The following RIMS2 variants were observed in gnomAD, a reference collection of about 807,000 sequenced individuals.
RIMS2 encodes the protein regulating synaptic membrane exocytosis 2, also known as regulating synaptic membrane exocytosis protein 2.
Under a neutral mutation model 174.4 loss-of-function variants are expected in RIMS2, and 59 were observed. The observed-to-expected ratio is 0.34, with a 90% CI of 0.27 to 0.42. The LOEUF (loss-of-function observed/expected upper bound fraction) is 0.42, where lower values mean the gene tolerates loss of function less well. Ranked by LOEUF, RIMS2 falls within the 10% of genes least tolerant of loss-of-function variation. RIMS2 has a pLI of 1.00. For missense variants in RIMS2, 1,620 were observed against 1,666.3 expected (o/e 0.97, Z 0.48); for synonymous variants, 606 against 572.5 (o/e 1.06, Z -0.84).
At chr8:103,670,896 C>T (rs1417721712) in intron 1 of RIMS2, among the ~76,000 whole-genome samples, 1 of 152,214 alleles carries the variant, frequency 6.6e-6, no homozygotes, top group Non-Finnish European at 1.5e-5. Flanking sequence ...GTTGCTTCCA[C>T]ATTTTCAGGT....
At chr8:103,851,261 T>C (rs2098996275) in intron 3 of RIMS2, among the ~76,000 whole-genome samples, 1 of 151,862 alleles carries the variant, frequency 6.6e-6, no homozygotes, top group African/African-American at 2.4e-5. Flanking sequence ...TTTAAAATGG[T>C]TGTGAATATT....
rs568797552 is a variant in RIMS2 at position 103,838,510 on chromosome 8, C to T, written c.699-46788C>T. ...CATAATTTATTTTCCATATTGGTTT[C>T]AACAAGGCTAAACTATTAGGTAGCT... On this transcript the variant is annotated intron_variant, in intron 3 of 23. Transcript: ENST00000504942. Among the ~76,000 whole-genome samples the T allele has an allele frequency of 7.2e-5, 11 of 152,248 alleles. No individual in the cohort carries two copies. The East Asian group carries it at 1.5e-3, about 21-fold the overall frequency.
chr8:104,161,665 C>T (rs1453699269), intron 19 of RIMS2, among the ~76,000 whole-genome samples: 2 of 152,200 alleles, frequency 1.3e-5, no homozygotes, highest in African/African-American at 4.8e-5. Context: ...ATTAGCTTAG[C>T]AACTTAAAAC....
chr8:103,687,249 C>A (rs1564289349), intron 1 of RIMS2, among the ~76,000 whole-genome samples: 2 of 151,590 alleles, frequency 1.3e-5, no homozygotes, highest in Non-Finnish European at 2.9e-5. Context: ...CCTTTGTAGT[C>A]TTTTAAATTA....
chr8:103,829,757 T>TTTC (rs3069998), intron 3 of RIMS2, among the ~76,000 whole-genome samples: 3,402 of 152,258 alleles, frequency 0.022, 61 homozygotes, highest in Middle Eastern at 0.065. Flanking sequence ...TATCAGGTAC[T>TTTC]ATGCTCATTA....
chr8:103,658,556 C>T (rs1564183740), intron 1 of RIMS2, among the ~76,000 whole-genome samples: 1 of 152,154 alleles, frequency 6.6e-6, no homozygotes, highest in Non-Finnish European at 1.5e-5. Context: ...CAAAGATCAT[C>T]TGCTTCTGGA....
intron 19 of RIMS2, among the ~76,000 whole-genome samples, chr8:104,101,453 A>G (rs1018439718): frequency 2.6e-5 from 4 of 152,102 alleles, no homozygotes; most frequent in African/African-American, 9.7e-5. Context: ...TAATTCTACT[A>G]TATTAGACAT....
intron 3 of RIMS2, among the ~76,000 whole-genome samples, chr8:103,795,261 G>T (rs955843724): frequency 2.0e-5 from 3 of 152,076 alleles, no homozygotes. Context: ...GCCATAAAAA[G>T]GATGAGTTCA....
intron 17 of RIMS2, among the ~76,000 whole-genome samples, chr8:103,994,075 A>C (rs1407670321): frequency 6.6e-6 from 1 of 151,400 alleles, no homozygotes; most frequent in African/African-American, 2.4e-5. Context: ...AAAAAGAATA[A>C]AAAAAATGTT....
chr8:103,507,612 C>T (rs1018053111), intron 1 of RIMS2, among the ~76,000 whole-genome samples: 5 of 151,874 alleles, frequency 3.3e-5, no homozygotes, highest in Admixed American at 6.6e-5. Flanking sequence ...TTTAAACATG[C>T]CTAATTTTGC....
chr8:104,102,430 T>G (rs776660874), intron 19 of RIMS2, among the ~76,000 whole-genome samples: 7 of 152,236 alleles, frequency 4.6e-5, no homozygotes, highest in Non-Finnish European at 8.8e-5. Flanking sequence ...GAAATATGTT[T>G]ATTTCTCCAT....
rs747685693 is a variant in RIMS2 at position 103,915,598 on chromosome 8, G to T, written c.1912+4G>T. 1 of 1,471,368 alleles carries T rather than the reference G, an allele frequency of 6.8e-7. No homozygotes were observed. The highest frequency in any genetic ancestry group is 9.4e-7 in the Non-Finnish European group (1 of 1,059,398). 91.1% of individuals were successfully genotyped at this position (1,471,368 alleles called of 1,614,324 possible). ...ACTGTAGGACATCTTAGACCAGGTA[G>T]GGTTTTACCTTTGATTATTTACATT... On this transcript the variant is annotated splice_donor_region_variant and intron_variant, in intron 7 of 23. Coordinates refer to ENST00000504942, the Ensembl canonical transcript of RIMS2.
intron 19 of RIMS2, among the ~76,000 whole-genome samples, chr8:104,120,536 G>T (rs1166657161): frequency 6.6e-6 from 1 of 152,126 alleles, no homozygotes; most frequent in Non-Finnish European, 1.5e-5. Context: ...CCTCAGAAGT[G>T]TGTATTGCCT....
intron 19 of RIMS2, among the ~76,000 whole-genome samples, chr8:104,132,656 C>T (rs2098482528): frequency 6.6e-6 from 1 of 152,126 alleles, no homozygotes; most frequent in African/African-American, 2.4e-5. Context: ...CAGATAAGCA[C>T]AATTACCACA....
intron 19 of RIMS2, among the ~76,000 whole-genome samples, chr8:104,234,471 T>A (rs1286102177): frequency 6.6e-6 from 1 of 150,620 alleles, no homozygotes; most frequent in Non-Finnish European, 1.5e-5. Context: ...TCTATCTAAG[T>A]AGTTTAACTG....
chr8:104,251,263 A>T, intron 23 of RIMS2, 100 bp downstream of exon 29: 2 of 1,060,682 alleles, frequency 1.9e-6, no homozygotes, highest in South Asian at 1.7e-5. Flanking sequence ...TATGTTCCTC[A>T]CAAAGGAAAT....
At chr8:104,229,276 A>G (rs1199058630) in intron 19 of RIMS2, among the ~76,000 whole-genome samples, 1 of 152,184 alleles carries the variant, frequency 6.6e-6, no homozygotes, top group Non-Finnish European at 1.5e-5. Flanking sequence ...GCCCCTATTT[A>G]TGGATCAGAC....
chr8:103,890,705 CT>C (rs1456639168), intron 4 of RIMS2, among the ~76,000 whole-genome samples: 1 of 151,504 alleles, frequency 6.6e-6, no homozygotes, highest in African/African-American at 2.4e-5. Flanking sequence ...TGTTTTTTGC[CT>C]TTGGGCTATA....
At chr8:103,665,863 A>G (rs569646172) in intron 1 of RIMS2, among the ~76,000 whole-genome samples, 2 of 152,328 alleles carry the variant, frequency 1.3e-5, no homozygotes, top group African/African-American at 4.8e-5. Flanking sequence ...CCAAATGCTT[A>G]TAAAACTAAA....
Sources: gnomAD v4.1 joint callset for allele counts (sites outside exome capture counted in the v4.1 genomes callset) on GRCh38, gnomAD v4.1.1 for gene constraint, MANE v1.5 for transcripts, NCBI Gene and HGNC (gene_info 2026-07-23, HGNC 2026-07-21) for gene names.